LYPLAL1: variants seen among roughly 807,000 people sequenced by gnomAD.
LYPLAL1 encodes the protein lysophospholipase like 1, also known as lysophospholipase-like protein 1.
In LYPLAL1, 23 loss-of-function variants were observed where a neutral mutation model predicts 19.7. That is an observed-to-expected ratio of 1.17 (90% CI 0.84 to 1.65). The LOEUF (loss-of-function observed/expected upper bound fraction) is 1.65. Among genes scored for constraint, LYPLAL1 ranks in the 40% most tolerant of loss-of-function variants. The pLI is 0.00. For synonymous variants in LYPLAL1, 119 were observed against 96.3 expected, an observed-to-expected ratio of 1.24 and a Z score of -1.38; for missense variants, 355 against 279.4, an observed-to-expected ratio of 1.27 and a Z score of -1.93.
At chr1:219,247,284 A>G in the LYPLAL1 span, among the ~76,000 whole-genome samples, 1 of 152,210 alleles carries the variant, frequency 6.6e-6, no homozygotes, top group African/African-American at 2.4e-5. Flanking sequence ...TAGAATCCAA[A>G]GTAAAGAAAT....
chr1:219,177,348 C>T (rs1464562837), intron 1 of LYPLAL1, among the ~76,000 whole-genome samples: 4 of 152,268 alleles, frequency 2.6e-5, no homozygotes, highest in African/African-American at 7.2e-5. Flanking sequence ...CCATAGTTTT[C>T]CCTTCTCTCT....
At chr1:219,215,898 C>T (rs1019765540), downstream of LYPLAL1, among the ~76,000 whole-genome samples, 8 of 152,080 alleles carry the variant, frequency 5.3e-5, no homozygotes, top group African/African-American at 1.9e-4. Flanking sequence ...AATAAGATTC[C>T]CTGTTACTAC....
At chr1:219,304,857 A>G in the LYPLAL1 span, among the ~76,000 whole-genome samples, 11 of 152,336 alleles carry the variant, frequency 7.2e-5, no homozygotes, top group African/African-American at 1.7e-4. Flanking sequence ...AGTCGCAGGA[A>G]TGAAGAACAA....
At position 219,203,307 on chromosome 1, in the gene LYPLAL1, T is replaced by A. The variant is rs544534584; in HGVS notation, c.362-7225T>A. 1.6e-3 allele frequency among the ~76,000 whole-genome samples: 243 copies of A among 151,772 alleles called. 2 individuals are homozygous for A. The highest frequency in any genetic ancestry group is 2.9e-3 in the Non-Finnish European group (196 of 67,954). ...GTTTTACAAACTTTTTTTTTTTTTT[T>A]ACAGTATGTGATCTTCTACCTTTTC... is the stretch of plus-strand genomic sequence containing the variant. On this transcript the variant is annotated intron_variant, in intron 3 of 4. Transcript: ENST00000366928.
the LYPLAL1 span, among the ~76,000 whole-genome samples, chr1:219,360,273 G>A: frequency 2.6e-5 from 4 of 152,042 alleles, no homozygotes; most frequent in Admixed American, 2.6e-4. Flanking sequence ...GCCTTGCATC[G>A]GGAGAACTTC....
the LYPLAL1 span, among the ~76,000 whole-genome samples, chr1:219,217,914 GT>G: frequency 6.6e-6 from 1 of 152,072 alleles, no homozygotes; most frequent in Non-Finnish European, 1.5e-5. Flanking sequence ...ACATTTATGT[GT>G]TGGGGGAACT....
At chr1:219,308,643 G>A in the LYPLAL1 span, among the ~76,000 whole-genome samples, 1 of 152,182 alleles carries the variant, frequency 6.6e-6, no homozygotes, top group African/African-American at 2.4e-5. Flanking sequence ...GAGGGTGCAA[G>A]CCTCAAGCCA....
the LYPLAL1 span, among the ~76,000 whole-genome samples, chr1:219,342,535 G>A: frequency 7.2e-5 from 11 of 152,078 alleles, no homozygotes; most frequent in Non-Finnish European, 1.2e-4. Flanking sequence ...CAGGAGTCTC[G>A]TGGTTTCCGC....
At chr1:219,443,084 GAA>G in the LYPLAL1 span, among the ~76,000 whole-genome samples, 17 of 143,086 alleles carry the variant, frequency 1.2e-4, no homozygotes, top group African/African-American at 3.8e-4. Context: ...GTTTCTGCTG[GAA>G]AAAAAAAAAA....
chr1:219,261,021 A>G, the LYPLAL1 span, among the ~76,000 whole-genome samples: 1 of 152,106 alleles, frequency 6.6e-6, no homozygotes, highest in East Asian at 1.9e-4. Flanking sequence ...TGACATATAA[A>G]CCATATCAAA....
chr1:219,364,801 A>G, the LYPLAL1 span, among the ~76,000 whole-genome samples: 86 of 152,260 alleles, frequency 5.6e-4, no homozygotes, highest in African/African-American at 1.9e-3. Flanking sequence ...TTAATTTTAA[A>G]CTTCTAGATA....
chr1:219,373,214 A>T, the LYPLAL1 span, among the ~76,000 whole-genome samples: 51 of 152,352 alleles, frequency 3.3e-4, no homozygotes, highest in African/African-American at 1.2e-3. Context: ...AGCATTTTCT[A>T]CAATAAATGG....
At chr1:219,230,749 T>A in the LYPLAL1 span, among the ~76,000 whole-genome samples, 1 of 152,220 alleles carries the variant, frequency 6.6e-6, no homozygotes, top group African/African-American at 2.4e-5. Context: ...AGTGAATATT[T>A]AAATTCAAAA....
the LYPLAL1 span, among the ~76,000 whole-genome samples, chr1:219,380,989 GA>G: frequency 6.6e-6 from 1 of 152,142 alleles, no homozygotes; most frequent in Non-Finnish European, 1.5e-5. Flanking sequence ...GATCAAAGAG[GA>G]AACAAAAGTA....
intron 2 of LYPLAL1, among the ~76,000 whole-genome samples, chr1:219,187,399 CTT>C (rs530034561): frequency 6.8e-6 from 1 of 147,288 alleles, no homozygotes; most frequent in South Asian, 2.1e-4. Flanking sequence ...GAAAATACTG[CTT>C]TTTTTTTTCA....
At chr1:219,242,480 C>G in the LYPLAL1 span, among the ~76,000 whole-genome samples, 5 of 152,134 alleles carry the variant, frequency 3.3e-5, no homozygotes, top group Non-Finnish European at 7.3e-5. Context: ...CTTCTACATG[C>G]CTGCAGTAGA....
the LYPLAL1 span, among the ~76,000 whole-genome samples, chr1:219,393,592 A>C: frequency 6.6e-6 from 1 of 152,130 alleles, no homozygotes; most frequent in South Asian, 2.1e-4. Flanking sequence ...ATAAATAAAT[A>C]ACTTAAGTGG....
the LYPLAL1 span, among the ~76,000 whole-genome samples, chr1:219,320,352 T>C: frequency 5.9e-5 from 9 of 152,282 alleles, no homozygotes; most frequent in African/African-American, 2.2e-4. Flanking sequence ...GCCATAATTC[T>C]TGTCCCCACT....
chr1:219,417,120 G>A, the LYPLAL1 span, among the ~76,000 whole-genome samples: 1 of 152,124 alleles, frequency 6.6e-6, no homozygotes, highest in Non-Finnish European at 1.5e-5. Context: ...TCCTTTGAAA[G>A]AAGTTACTGT....
Sources: allele counts gnomAD v4.1 joint callset (sites outside exome capture counted in the v4.1 genomes callset), GRCh38; gene constraint gnomAD v4.1.1; transcripts MANE v1.5; gene names NCBI Gene and HGNC (gene_info 2026-07-23, HGNC 2026-07-21).